Variants in CTNNA2 observed in about 807,000 individuals in gnomAD.
CTNNA2 encodes catenin alpha-2.
A neutral mutation model predicts 101.0 loss-of-function variants in CTNNA2; 42 were observed. That is an observed-to-expected ratio of 0.42 (90% CI 0.32 to 0.54). CTNNA2 has a LOEUF of 0.54. CTNNA2 is among the 20% of genes least tolerant of loss of function. The pLI is 0.14. For missense variants in CTNNA2, 871 were observed against 1,223.1 expected (o/e 0.71, Z 4.29); for synonymous variants, 450 against 456.4 (o/e 0.99, Z 0.18).
chr2:79,709,643 G>A (rs1427804246), intron 2 of CTNNA2, among the ~76,000 whole-genome samples: 3 of 152,148 alleles, frequency 2.0e-5, no homozygotes, highest in Non-Finnish European at 4.4e-5. Flanking sequence ...TTGAGCAGGA[G>A]TGACTACTGC....
intron 7 of CTNNA2, among the ~76,000 whole-genome samples, chr2:80,169,333 G>T (rs1251432281): frequency 6.6e-6 from 1 of 152,200 alleles, no homozygotes; most frequent in Non-Finnish European, 1.5e-5. Flanking sequence ...AAGGCCTTGG[G>T]ATGATAGTGG....
intron 7 of CTNNA2, among the ~76,000 whole-genome samples, chr2:80,359,140 C>T (rs1343954056): frequency 6.6e-6 from 1 of 152,040 alleles, no homozygotes; most frequent in African/African-American, 2.4e-5. Context: ...CTTTGGGAGG[C>T]TGAGGCAGGA....
intron 7 of CTNNA2, among the ~76,000 whole-genome samples, chr2:80,224,126 C>A (rs1708733450): frequency 6.6e-6 from 1 of 152,080 alleles, no homozygotes; most frequent in African/African-American, 2.4e-5. Flanking sequence ...GTTCTCATGT[C>A]CCTAGAGCTT....
intron 2 of CTNNA2, among the ~76,000 whole-genome samples, chr2:79,734,708 C>G (rs1670744574): frequency 6.6e-6 from 1 of 152,044 alleles, no homozygotes; most frequent in Non-Finnish European, 1.5e-5. Context: ...ATCATTACGT[C>G]ATATGCCTTC....
At chr2:80,378,868 A>T (rs1222441320) in intron 7 of CTNNA2, 1 of 152,230 alleles carries the variant, frequency 6.6e-6, no homozygotes, top group Non-Finnish European at 1.5e-5. Context: ...TGTCTGCCCG[A>T]CATCAGAAAG....
intron 1 of CTNNA2, among the ~76,000 whole-genome samples, chr2:79,521,085 T>C (rs1672078312): frequency 9.0e-6 from 1 of 110,918 alleles, no homozygotes; most frequent in South Asian, 2.9e-4. Flanking sequence ...GTTACCCCTT[T>C]GAGATAGAAA....
intron 1 of CTNNA2, among the ~76,000 whole-genome samples, chr2:79,187,257 TTTCTTTTCTTTTC>T (rs1375450547): frequency 4.6e-4 from 51 of 110,788 alleles, no homozygotes; most frequent in Non-Finnish European, 6.7e-4. Flanking sequence ...TTTCTTTTCT[TTTCTTTTCTTTTC>T]TTTTTTTTTT....
chr2:79,766,497 C>T (rs192857267), intron 3 of CTNNA2, among the ~76,000 whole-genome samples: 56 of 152,192 alleles, frequency 3.7e-4, no homozygotes, highest in African/African-American at 4.8e-5. Flanking sequence ...TTGTTAAATG[C>T]GTTGAGGTAG....
chr2:79,466,091 G>T (rs189901222), intron 4 of CTNNA2, among the ~76,000 whole-genome samples: 4 of 152,204 alleles, frequency 2.6e-5, no homozygotes, highest in African/African-American at 9.7e-5. Flanking sequence ...GCGAGGCATC[G>T]CCTCACCCAG....
chr2:80,071,954 G>A (rs925218134), intron 7 of CTNNA2, among the ~76,000 whole-genome samples: 3 of 152,168 alleles, frequency 2.0e-5, no homozygotes, highest in African/African-American at 7.2e-5. Flanking sequence ...GAGGCACTAA[G>A]ACTCAGATTA....
At chr2:80,201,664 C>T (rs1838760) in intron 7 of CTNNA2, among the ~76,000 whole-genome samples, 1 of 152,062 alleles carries the variant, frequency 6.6e-6, no homozygotes, top group African/African-American at 2.4e-5. Flanking sequence ...CGTGAGCCAC[C>T]GTGCCCGGCC....
chr2:80,032,256 C>G (rs1489491813), intron 7 of CTNNA2, among the ~76,000 whole-genome samples: 5 of 152,100 alleles, frequency 3.3e-5, no homozygotes, highest in Non-Finnish European at 5.9e-5. Context: ...GAAGTCTTTC[C>G]CTGATGTGCC....
At chr2:79,269,344 TGCTGAGCCTAACCAG>T (rs1266774944) in intron 2 of CTNNA2, among the ~76,000 whole-genome samples, 15 of 152,228 alleles carry the variant, frequency 9.9e-5, no homozygotes, top group South Asian at 6.2e-4. Flanking sequence ...AAGGAAAGAC[TGCTGAGCCTAACCAG>T]GCTGAAGGAA....
At chr2:80,250,204 A>AGAGAGAGT (rs1553476557) in intron 7 of CTNNA2, among the ~76,000 whole-genome samples, 146 of 96,492 alleles carry the variant, frequency 1.5e-3, no homozygotes, top group African/African-American at 3.6e-3. Context: ...AGAGAGAGAG[A>AGAGAGAGT]GTGTGTGTGT....
intron 12 of CTNNA2, 97 bp from the exon 13 acceptor site, chr2:80,574,066 T>C: frequency 7.6e-7 from 1 of 1,318,544 alleles, no homozygotes; most frequent in Non-Finnish European, 1.1e-6. Context: ...CACTTAACTT[T>C]TAGAATGCCC....
chr2:79,549,229 A>G (rs1187270333), intron 1 of CTNNA2, among the ~76,000 whole-genome samples: 1 of 152,186 alleles, frequency 6.6e-6, no homozygotes, highest in African/African-American at 2.4e-5. Context: ...TGTTTTTTCA[A>G]CAAATAGAAT....
intron 7 of CTNNA2, among the ~76,000 whole-genome samples, chr2:80,059,681 C>G (rs1369989063): frequency 6.6e-6 from 1 of 152,148 alleles, no homozygotes; most frequent in East Asian, 1.9e-4. Flanking sequence ...AAGACAGTGG[C>G]GGCACCCACA....
intron 2 of CTNNA2, among the ~76,000 whole-genome samples, chr2:79,663,348 A>C (rs1682174611): frequency 6.6e-6 from 1 of 152,178 alleles, no homozygotes; most frequent in Admixed American, 6.5e-5. Flanking sequence ...TCTGCAAATG[A>C]TTTTCATTGC....
At chr2:79,348,420 G>A (rs748620032) in intron 3 of CTNNA2, among the ~76,000 whole-genome samples, 7 of 152,200 alleles carry the variant, frequency 4.6e-5, no homozygotes, top group Non-Finnish European at 7.3e-5. Flanking sequence ...AAATCTGAGA[G>A]TAGAACCTAT....
Sources: allele counts gnomAD v4.1 joint callset (sites outside exome capture counted in the v4.1 genomes callset), GRCh38; gene constraint gnomAD v4.1.1; transcripts MANE v1.5; gene names NCBI Gene and HGNC (gene_info 2026-07-23, HGNC 2026-07-21).